The following C10orf67 variants were observed in gnomAD, a reference collection of about 807,000 sequenced individuals.
C10orf67 encodes the protein chromosome 10 open reading frame 67, also known as uncharacterized protein C10orf67, mitochondrial.
C10orf67 carries 60 observed loss-of-function variants against 35.6 expected under a neutral mutation model. The observed-to-expected ratio is 1.68, with a 90% CI of 1.37 to 2.09. The LOEUF (loss-of-function observed/expected upper bound fraction) is 2.09, where lower values mean the gene tolerates loss of function less well. C10orf67 is among the 30% of genes most tolerant of loss of function. C10orf67 has a pLI of 0.00. For missense variants in C10orf67, 474 were observed against 330.2 expected, an observed-to-expected ratio of 1.44 and a Z score of -3.38; for synonymous variants, 167 against 115.8, an observed-to-expected ratio of 1.44 and a Z score of -2.84.
intron 15 of C10orf67, among the ~76,000 whole-genome samples, chr10:23,222,150 A>G (rs1210434906): frequency 6.6e-6 from 1 of 152,176 alleles, no homozygotes; most frequent in Non-Finnish European, 1.5e-5. Flanking sequence ...GACAGAGCGG[A>G]AATAACTCTA....
At chr10:23,318,152 A>G (rs1430367723) in intron 4 of C10orf67, 26 of 448 alleles carry the variant, frequency 0.058, no homozygotes, top group African/African-American at 0.2. Flanking sequence ...AAAACAAAGA[A>G]AAAAAAAAAA....
chr10:23,288,929 C>T (rs969276424), intron 7 of C10orf67, among the ~76,000 whole-genome samples: 2 of 152,162 alleles, frequency 1.3e-5, no homozygotes, highest in African/African-American at 4.8e-5. Context: ...CCTCAGGCAT[C>T]GTGCTCCCCA....
intron 5 of C10orf67, among the ~76,000 whole-genome samples, chr10:23,293,268 C>T (rs1052964045): frequency 6.6e-6 from 1 of 152,182 alleles, no homozygotes; most frequent in Non-Finnish European, 1.5e-5. Context: ...GGGGTTTGTC[C>T]TCCACATATC....
At chr10:23,245,928 A>G (rs1005309447) in intron 12 of C10orf67, among the ~76,000 whole-genome samples, 1 of 152,244 alleles carries the variant, frequency 6.6e-6, no homozygotes, top group Non-Finnish European at 1.5e-5. Flanking sequence ...ACTGTTCACA[A>G]TAGCAAAGAC....
intron 13 of C10orf67, among the ~76,000 whole-genome samples, chr10:23,228,888 C>T (rs962182991): frequency 6.6e-6 from 1 of 152,072 alleles, no homozygotes; most frequent in Non-Finnish European, 1.5e-5. Flanking sequence ...AATGAGATAC[C>T]ATCTCACACC....
At chr10:23,286,744 C>T (rs908746985) in intron 7 of C10orf67, among the ~76,000 whole-genome samples, 1 of 152,086 alleles carries the variant, frequency 6.6e-6, no homozygotes, top group Non-Finnish European at 1.5e-5. Flanking sequence ...GATTTCATTT[C>T]TGACCTTAGA....
At chr10:23,336,962 T>A (rs562133823) in intron 1 of C10orf67, among the ~76,000 whole-genome samples, 2 of 152,050 alleles carry the variant, frequency 1.3e-5, no homozygotes, top group Non-Finnish European at 2.9e-5. Context: ...TGCCATAAAG[T>A]GAAGAAATGC....
intron 2 of C10orf67, among the ~76,000 whole-genome samples, chr10:23,327,176 T>C (rs1194899353): frequency 6.6e-6 from 1 of 151,702 alleles, no homozygotes; most frequent in African/African-American, 2.4e-5. Context: ...AATACAATCA[T>C]TGGAGAGTAG....
chr10:23,332,178 A>G (rs1289331183), intron 2 of C10orf67, among the ~76,000 whole-genome samples: 1 of 152,252 alleles, frequency 6.6e-6, no homozygotes. Flanking sequence ...AAAGCTAAAT[A>G]TATGATGCAC....
chr10:23,264,420 C>T (rs1296898559), intron 10 of C10orf67, among the ~76,000 whole-genome samples: 1 of 152,186 alleles, frequency 6.6e-6, no homozygotes, highest in African/African-American at 2.4e-5. Context: ...TATATATTAA[C>T]TTCAGAGACT....
Position 23,239,799 on chromosome 10 carries a change from T to C in C10orf67, c.1364A>G (p.Asn455Ser). The stretch of plus-strand genomic sequence containing the variant: ...CAGTGTGTGCCTTGTAAACATCTCA[T>C]TCTTAAGGACATGAAAGCTGAAATT... ...ILRNSFHVLK[N>S]EMFTRHTLFR... Residue 455 changes from asparagine (N) to serine (S), a missense_variant, in exon 13 of 16, where the codon AAT (asparagine) becomes AGT (serine). Transcript: ENST00000636213. 1.6e-6 allele frequency: 1 copy of C among 621,988 alleles called. No homozygotes were observed. Among genetic ancestry groups the C allele is most frequent in the South Asian group, 1.9e-5 (1 of 53,058 alleles). The allele number at this position is 621,988 out of a possible 1,614,324, so 38.5% of individuals were successfully genotyped here.
At chr10:23,292,137 G>A (rs887109981) in intron 5 of C10orf67, among the ~76,000 whole-genome samples, 1 of 147,024 alleles carries the variant, frequency 6.8e-6, no homozygotes, top group Non-Finnish European at 1.5e-5. Flanking sequence ...CGCAATAGAC[G>A]CGCTTATTGG....
At chr10:23,315,200 C>T (rs956653727) in intron 4 of C10orf67, among the ~76,000 whole-genome samples, 1 of 152,190 alleles carries the variant, frequency 6.6e-6, no homozygotes, top group African/African-American at 2.4e-5. Context: ...TTTCTTAAGT[C>T]AACTAACCAC....
chr10:23,274,991 C>T lies in C10orf67; in HGVS notation c.975+7022G>A, dbSNP rs35051581. Reference sequence around the variant, plus strand: ...CGCAGCTTCAGCCGGTCCCTCTGTTCGGGGTCCCTGACTTGCTGCAACACA... The same window carrying T: ...CGCAGCTTCAGCCGGTCCCTCTGTTTGGGGTCCCTGACTTGCTGCAACACA... On this transcript the variant is annotated intron_variant, in intron 8 of 15. Transcript: ENST00000636213. Among the ~76,000 whole-genome samples the T allele has an allele frequency of 7.2e-3, 1,089 of 152,266 alleles. 7 individuals carry two copies. Among genetic ancestry groups the T allele is most frequent in the Non-Finnish European group, 0.012 (837 of 68,014 alleles).
intron 4 of C10orf67, among the ~76,000 whole-genome samples, chr10:23,315,994 G>C (rs1844693526): frequency 6.6e-6 from 1 of 152,118 alleles, no homozygotes; most frequent in African/African-American, 2.4e-5. Flanking sequence ...AGGATCCTTG[G>C]GGTGTTGCTT....
intron 13 of C10orf67, among the ~76,000 whole-genome samples, chr10:23,231,118 T>G (rs890769781): frequency 1.3e-5 from 2 of 151,980 alleles, no homozygotes; most frequent in African/African-American, 4.8e-5. Context: ...CAGCTGATTT[T>G]TTTTTCTATT....
intron 13 of C10orf67, among the ~76,000 whole-genome samples, chr10:23,236,253 G>GGAAAAAAAAAAAAAAAA (rs1842047414): frequency 1.3e-5 from 1 of 75,800 alleles, no homozygotes; most frequent in African/African-American, 6.0e-5. Context: ...CCTCTCGGGG[G>GGAAAAAAAAAAAAAAAA]AAAAAAAAAA....
intron 15 of C10orf67, among the ~76,000 whole-genome samples, chr10:23,211,868 A>G (rs973819931): frequency 6.6e-6 from 1 of 152,240 alleles, no homozygotes; most frequent in Non-Finnish European, 1.5e-5. Flanking sequence ...ATTTAAAAAG[A>G]AAAGCAAAAA....
At chr10:23,314,162 T>C (rs1219455295) in intron 4 of C10orf67, among the ~76,000 whole-genome samples, 2 of 151,404 alleles carry the variant, frequency 1.3e-5, no homozygotes, top group African/African-American at 4.9e-5. Flanking sequence ...CACTCCAGCC[T>C]GGGAGACAGA....
Sources: allele counts gnomAD v4.1 joint callset (sites outside exome capture counted in the v4.1 genomes callset), GRCh38; gene constraint gnomAD v4.1.1; transcripts MANE v1.5; gene names NCBI Gene and HGNC (gene_info 2026-07-23, HGNC 2026-07-21).